THADA: variants seen among roughly 807,000 people sequenced by gnomAD.
THADA encodes THADA armadillo repeat containing.
In THADA, 213 loss-of-function variants were observed where a neutral mutation model predicts 219.8. The ratio of observed to expected loss-of-function variants is 0.97; its 90% confidence interval spans 0.87 to 1.09. THADA has a LOEUF of 1.09. Ranked by LOEUF, THADA falls within the 50% of genes least tolerant of loss-of-function variation. The pLI is 0.00. For missense variants in THADA, 2,956 were observed against 2,311.3 expected (o/e 1.28, Z -5.72); for synonymous variants, 1,018 against 828.9 (o/e 1.23, Z -3.92).
chr2:43,555,761 A>T (rs989857377), intron 17 of THADA, among the ~76,000 whole-genome samples: 1 of 152,020 alleles, frequency 6.6e-6, no homozygotes, highest in Non-Finnish European at 1.5e-5. Flanking sequence ...CTCTTTCTAT[A>T]TCTGATCTCC....
intron 28 of THADA, among the ~76,000 whole-genome samples, chr2:43,405,818 G>A (rs1013238358): frequency 6.6e-6 from 1 of 151,992 alleles, no homozygotes; most frequent in Non-Finnish European, 1.5e-5. Context: ...TTACCTATCG[G>A]GCAGCTCAAA....
At chr2:43,317,676 C>G (rs555561834) in intron 31 of THADA, among the ~76,000 whole-genome samples, 2 of 152,278 alleles carry the variant, frequency 1.3e-5, no homozygotes, top group African/African-American at 4.8e-5. Context: ...TTGGTTATTT[C>G]TAAAAATCTA....
intron 26 of THADA, among the ~76,000 whole-genome samples, chr2:43,479,771 C>A (rs922135138): frequency 3.3e-5 from 5 of 152,164 alleles, no homozygotes; most frequent in Admixed American, 2.6e-4. Context: ...TTGCTCCTCT[C>A]CTCCCTCACC....
chr2:43,560,349 A>G lies in THADA; in HGVS notation c.2348T>C (p.Ile783Thr), dbSNP rs757035929. The G allele has an allele frequency of 3.7e-6, 6 of 1,611,894 alleles. No individual in the cohort carries two copies. The East Asian group carries it at 1.3e-4, about 36-fold the overall frequency. ...TAGTGTTTGGAAACGACCAACATCA[A>G]TATCATGACTCAGCTGATATACTGT... ...IYTVYQLSHD[I>T]DVGRFQTLME... is the part of the protein sequence containing the mutation. Residue 783 changes from isoleucine to threonine, a missense_variant, in exon 16 of 38, where the codon ATT becomes ACT. Transcript: ENST00000405975.
Position 43,566,700 on chromosome 2 carries a change from T to G in THADA, c.2309A>C (p.Glu770Ala), listed in dbSNP as rs1350587402. Residue 770 changes from glutamate to alanine, a missense_variant and splice_region_variant, in exon 15 of 38, where the codon GAA (glutamate) becomes GCA (alanine). Coordinates refer to ENST00000405975, the MANE Select transcript of THADA (RefSeq NM_022065.5). Reference protein sequence around the residue: ...GSIAEVFHVPEGRIYTVYQLS... With the variant: ...GSIAEVFHVPAGRIYTVYQLS... ...CCCTAACATTATTAAACACTTACCTTCTGGGACATGAAAAACTTCAGCTAT... is the reference window on the plus strand; with the variant it reads ...CCCTAACATTATTAAACACTTACCTGCTGGGACATGAAAAACTTCAGCTAT... 6.2e-7 allele frequency: 1 copy of G among 1,607,080 alleles called. No individual in the cohort carries two copies. Among genetic ancestry groups the G allele is most frequent in the Non-Finnish European group, 8.5e-7 (1 of 1,177,948 alleles).
At chr2:43,364,297 C>T (rs559192735) in intron 29 of THADA, among the ~76,000 whole-genome samples, 1 of 152,098 alleles carries the variant, frequency 6.6e-6, no homozygotes, top group African/African-American at 2.4e-5. Context: ...ACTTGAAGGG[C>T]CAGCACTGCT....
chr2:43,311,893 A>G (rs772806801), intron 31 of THADA, among the ~76,000 whole-genome samples: 1 of 152,218 alleles, frequency 6.6e-6, no homozygotes, highest in Non-Finnish European at 1.5e-5. Context: ...AGGCAGGAAC[A>G]GAGAACACTG....
chr2:43,381,844 C>CA (rs1035669442), intron 29 of THADA, among the ~76,000 whole-genome samples: 1 of 152,142 alleles, frequency 6.6e-6, no homozygotes, highest in African/African-American at 2.4e-5. Flanking sequence ...CTCGGCCTCC[C>CA]AAAGTGCTGG....
At chr2:43,491,137 C>T (rs1573913768) in intron 25 of THADA, among the ~76,000 whole-genome samples, 1 of 152,100 alleles carries the variant, frequency 6.6e-6, no homozygotes, top group Non-Finnish European at 1.5e-5. Context: ...TTTCTGTTCC[C>T]ATCCACTATA....
intron 28 of THADA, among the ~76,000 whole-genome samples, chr2:43,406,290 G>A (rs1206845215): frequency 6.6e-6 from 1 of 152,134 alleles, no homozygotes; most frequent in Admixed American, 6.5e-5. Flanking sequence ...TACTTTAAAA[G>A]CTCTCTAAAC....
At chr2:43,434,361 GCT>G (rs1679797007) in intron 26 of THADA, among the ~76,000 whole-genome samples, 1 of 152,186 alleles carries the variant, frequency 6.6e-6, no homozygotes, top group South Asian at 2.1e-4. Context: ...GGCGAAGGAG[GCT>G]CTGTCTCCGG....
intron 36 of THADA, chr2:43,233,466 T>G (rs1445082560): frequency 6.6e-6 from 1 of 152,262 alleles, no homozygotes; most frequent in Non-Finnish European, 1.5e-5. Context: ...AAATTTGAAT[T>G]TAATGTGTCA....
chr2:43,286,459 G>C (rs1008218871), intron 35 of THADA, among the ~76,000 whole-genome samples: 16 of 152,176 alleles, frequency 1.1e-4, no homozygotes, highest in African/African-American at 1.7e-4. Flanking sequence ...TGTGTTGGTG[G>C]TCTGGGAGTG....
chr2:43,508,218 C>T (rs1050977823), intron 23 of THADA, among the ~76,000 whole-genome samples: 6 of 151,724 alleles, frequency 4.0e-5, no homozygotes, highest in Admixed American at 6.6e-5. Flanking sequence ...TATGGATGGA[C>T]GTTTTATAGG....
intron 24 of THADA, among the ~76,000 whole-genome samples, chr2:43,501,176 C>T (rs2105069025): frequency 6.6e-6 from 1 of 151,318 alleles, no homozygotes; most frequent in South Asian, 2.1e-4. Flanking sequence ...CGTGGTGGTG[C>T]ACGCCTGTAA....
chr2:43,502,250 T>C (rs1689083622), intron 24 of THADA, among the ~76,000 whole-genome samples: 1 of 152,056 alleles, frequency 6.6e-6, no homozygotes, highest in South Asian at 2.1e-4. Context: ...TACATAAAAT[T>C]ATGACAAGTA....
At chr2:43,538,193 G>C (rs1180790271) in intron 21 of THADA, among the ~76,000 whole-genome samples, 1 of 152,132 alleles carries the variant, frequency 6.6e-6, no homozygotes, top group Non-Finnish European at 1.5e-5. Flanking sequence ...CCCATGAAAA[G>C]AGAACCAACA....
At chr2:43,233,524 T>C (rs529556212) in intron 36 of THADA, 2 of 152,360 alleles carry the variant, frequency 1.3e-5, no homozygotes, top group East Asian at 3.9e-4. Context: ...AAACCATTGA[T>C]AGCTCATGGG....
At chr2:43,492,568 G>T (rs1444209711) in intron 25 of THADA, among the ~76,000 whole-genome samples, 1 of 152,042 alleles carries the variant, frequency 6.6e-6, no homozygotes, top group Non-Finnish European at 1.5e-5. Context: ...ATTTCTTAAG[G>T]ATGGGATCCA....
Sources: gnomAD v4.1 joint callset for allele counts (sites outside exome capture counted in the v4.1 genomes callset) on GRCh38, gnomAD v4.1.1 for gene constraint, MANE v1.5 for transcripts, NCBI Gene and HGNC (gene_info 2026-07-23, HGNC 2026-07-21) for gene names.